KIF24: variants seen among roughly 807,000 people sequenced by gnomAD.
KIF24 encodes kinesin family member 24, also known as kinesin-like protein KIF24.
Under a neutral mutation model 118.9 loss-of-function variants are expected in KIF24, and 81 were observed. The ratio of observed to expected loss-of-function variants is 0.68; its 90% confidence interval spans 0.57 to 0.82. The LOEUF (loss-of-function observed/expected upper bound fraction) is 0.82. KIF24 is among the 40% of genes least tolerant of loss of function. The pLI is 0.00. For synonymous variants in KIF24, 599 were observed against 610.0 expected (o/e 0.98, Z 0.27); for missense variants, 1,560 against 1,661.6 (o/e 0.94, Z 1.06).
chr9:34,318,355 A>T lies in KIF24; in HGVS notation c.-25-6984T>A. On this transcript the variant is annotated intron_variant, in intron 1 of 12. Transcript: ENST00000402558. The surrounding 1 kb of genome is among the most constrained non-coding windows in gnomAD (Gnocchi z 4.9). The stretch of plus-strand genomic sequence containing the variant: ...GCCCAACCCAGCCCAACCCAGCTTG[A>T]CCTAGCCCTGACAGGTCCATCGTGG... 1.1e-4 allele frequency: 51 copies of T among 452,834 alleles called. No homozygotes were observed. Among genetic ancestry groups the T allele is most frequent in the East Asian group, 1.8e-4 (3 of 16,804 alleles). The allele number at this position is 452,834 out of a possible 1,614,324, so 28.1% of individuals were successfully genotyped here.
chr9:34,272,490 G>C (rs898035747), intron 6 of KIF24, among the ~76,000 whole-genome samples: 17 of 152,280 alleles, frequency 1.1e-4, no homozygotes, highest in Admixed American at 5.2e-4. Context: ...GAGTCCTTCC[G>C]GCCATCATGG....
chr9:34,273,687 A>G (rs2094999), intron 6 of KIF24, among the ~76,000 whole-genome samples: 72 of 114 alleles, frequency 0.63, 28 homozygotes, highest in East Asian at 1. Flanking sequence ...ACACACCAGC[A>G]TTCCCCAACA....
Position 34,255,817 on chromosome 9 carries a change from C to G in KIF24, c.3790G>C (p.Ala1264Pro). The change falls in exon 11 of 13, where the codon GCA becomes CCA. Residue 1264 changes from alanine to proline, a missense_variant. By Grantham distance (27) the Ala-to-Pro change is conservative. Around this residue, in one of 3 missense-constraint regions of KIF24, gnomAD observed 591 missense variants for 655.6 expected, o/e 0.90. Coordinates refer to ENST00000402558, the MANE Select transcript of KIF24 (RefSeq NM_194313.4). ...LKPRPISRCLARPSSPLVPSC... is the reference protein window; with the variant it reads ...LKPRPISRCLPRPSSPLVPSC... ...GGAACCAAGGGAGAACTTGGCCTTG[C>G]TAAGCACCTTGAGATCGGCCTGGGT... 3 of 1,613,952 alleles carry G rather than the reference C, an allele frequency of 1.9e-6. No individual in the cohort carries two copies. Among genetic ancestry groups the G allele is most frequent in the Non-Finnish European group, 2.5e-6 (3 of 1,179,866 alleles).
Position 34,257,653 on chromosome 9 carries a change from C to T in KIF24, c.1954G>A (p.Val652Met), listed in dbSNP as rs372370154. 1 of 1,614,044 alleles carries T rather than the reference C, an allele frequency of 6.2e-7. No homozygotes were observed. Among genetic ancestry groups the T allele is most frequent in the Non-Finnish European group, 8.5e-7 (1 of 1,179,892 alleles). The change falls in exon 11 of 13, where the codon GTG becomes ATG. Residue 652 changes from valine to methionine, a missense_variant. Val to Met is a conservative substitution (Grantham distance 21). This residue lies in a region of KIF24 where 964 missense variants were observed against 988.0 expected (regional missense o/e 0.98). Transcript: ENST00000402558. The stretch of plus-strand genomic sequence containing the variant: ...TTTTTGGCCACATGTCCAGAGCGCA[C>T]AGTTCCTTTCACAGGGCTAGCATGA... ...VIHASPVKGTVRSGHVAKKKP... is the reference protein window; with the variant it reads ...VIHASPVKGTMRSGHVAKKKP...
chr9:34,313,753 T>G lies in KIF24; in HGVS notation c.-25-2382A>C, dbSNP rs1254779052. 4.3e-5 allele frequency among the ~76,000 whole-genome samples: 6 copies of G among 139,982 alleles called. No homozygotes were observed. The East Asian group carries it at 8.2e-4, about 19-fold the overall frequency. 91.8% of individuals were successfully genotyped at this position (139,982 alleles called of 152,430 possible). On this transcript the variant is annotated intron_variant, in intron 1 of 12. Transcript: ENST00000402558. ...CCCGTTATCTGTTTTTTTTTTTTTG[T>G]TTTTTTTTTTTTGAGGGATGGTCTT... is the stretch of plus-strand genomic sequence containing the variant.
chr9:34,270,801 C>G (rs980865592), intron 7 of KIF24, among the ~76,000 whole-genome samples: 62 of 150,332 alleles, frequency 4.1e-4, no homozygotes, highest in African/African-American at 1.5e-3. Flanking sequence ...CGGAGTCTCG[C>G]TCTGTTGCCA....
intron 1 of KIF24, chr9:34,319,641 C>T (rs1587974998): frequency 1.2e-6 from 1 of 864,262 alleles, no homozygotes; most frequent in East Asian, 2.5e-5. Flanking sequence ...TGACAAGATG[C>T]AAGACGAGTT....
intron 4 of KIF24, among the ~76,000 whole-genome samples, chr9:34,291,081 T>C (rs751143296): frequency 8.9e-4 from 136 of 152,160 alleles, no homozygotes; most frequent in Middle Eastern, 3.4e-3. Flanking sequence ...TTAAATTTAG[T>C]GAAAGAATAG....
rs781105331 is a variant in KIF24, at chr9:34,290,418, T to G, written c.912-29A>C. 2.2e-6 allele frequency: 3 copies of G among 1,393,078 alleles called. No individual in the cohort carries two copies. In the South Asian group the frequency reaches 3.5e-5, roughly 16 times the overall value. 86.3% of individuals were successfully genotyped at this position (1,393,078 alleles called of 1,614,324 possible). ...GGGAAAGGATAATTTGCATTACTTA[T>G]GCATATTAAGAGAAGTATTAGTTTA... On this transcript the variant is annotated intron_variant, in intron 4 of 12. Transcript: ENST00000402558.
intron 3 of KIF24, among the ~76,000 whole-genome samples, chr9:34,303,578 G>A (rs1165063170): frequency 6.6e-6 from 1 of 152,150 alleles, no homozygotes; most frequent in Non-Finnish European, 1.5e-5. Context: ...GGCCAGGCGT[G>A]GTGGCTCATG....
At chr9:34,285,835 C>T in intron 6 of KIF24, among the ~76,000 whole-genome samples, 1 of 148,212 alleles carries the variant, frequency 6.7e-6, no homozygotes, top group Admixed American at 6.8e-5. Context: ...TGCCTGCAGT[C>T]CCCAGCTACT....
intron 2 of KIF24, among the ~76,000 whole-genome samples, chr9:34,309,737 T>C (rs936733434): frequency 2.0e-5 from 3 of 152,094 alleles, no homozygotes; most frequent in Non-Finnish European, 2.9e-5. Flanking sequence ...AATTCACTTA[T>C]GTATTTCAAA....
In KIF24 at chr9:34,252,537, T is replaced by TAAC. The variant is rs1834630658; in HGVS notation, c.*1840_*1842dup. The TAAC allele has an allele frequency of 6.5e-6, 1 of 152,688 alleles. No individual in the cohort carries two copies. The highest frequency in any genetic ancestry group is 2.4e-5 in the African/African-American group (1 of 41,470). 9.5% of individuals were successfully genotyped at this position (152,688 alleles called of 1,614,324 possible). On this transcript the variant is annotated 3_prime_UTR_variant, in exon 13 of 13. Coordinates refer to ENST00000402558, the MANE Select transcript of KIF24 (RefSeq NM_194313.4). ...ATCTAAAAGGTATGTCTTGGTGTGA[T>TAAC]AACTTCTTTATTACCAAGGCTGTTT...
At chr9:34,269,180 C>A in intron 8 of KIF24, 77 bp downstream of exon 8, 1 of 782,366 alleles carries the variant, frequency 1.3e-6, no homozygotes, top group Admixed American at 2.2e-5. Flanking sequence ...TTCCATCCCA[C>A]ATTCATCCAC....
At chr9:34,295,161 T>C (rs1175291282) in intron 4 of KIF24, among the ~76,000 whole-genome samples, 1 of 150,872 alleles carries the variant, frequency 6.6e-6, no homozygotes, top group Non-Finnish European at 1.5e-5. Context: ...GATAGGTAGG[T>C]AGATAGCTAG....
intron 4 of KIF24, among the ~76,000 whole-genome samples, chr9:34,291,721 T>A (rs1160128435): frequency 1.3e-5 from 2 of 151,936 alleles, no homozygotes; most frequent in Admixed American, 6.6e-5. Context: ...AGAATGAACA[T>A]AATCTTAGAG....
chr9:34,305,370 A>G (rs1469568636), intron 3 of KIF24, among the ~76,000 whole-genome samples: 1 of 152,178 alleles, frequency 6.6e-6, no homozygotes, highest in Non-Finnish European at 1.5e-5. Flanking sequence ...ATTTTCGCCA[A>G]TTAAGTATAA....
Position 34,256,101 on chromosome 9 carries a change from C to T in KIF24, c.3506G>A (p.Ser1169Asn), listed in dbSNP as rs1439522356. The change falls in exon 11 of 13, where the codon AGT becomes AAT. Residue 1169 changes from serine (S) to asparagine (N), a missense_variant. By Grantham distance (46) the Ser-to-Asn change is conservative. Around this residue, in one of 3 missense-constraint regions of KIF24, gnomAD observed 591 missense variants for 655.6 expected, o/e 0.90. Coordinates refer to ENST00000402558, the MANE Select transcript of KIF24 (RefSeq NM_194313.4). ...CTCTGCATCAGCATCATACTGCTCA[C>T]TACCCATGTGTTCGTGGGAGAAAAG... ...TVLFSHEHMG[S>N]EQYDADAEET... The T allele has an allele frequency of 6.2e-7, 1 of 1,612,772 alleles. No homozygotes were observed. The highest frequency in any genetic ancestry group is 1.1e-5 in the South Asian group (1 of 91,066).
Position 34,306,240 on chromosome 9 carries a change from A to G in KIF24, c.813+12T>C. 1 of 1,550,504 alleles carries G rather than the reference A, an allele frequency of 6.4e-7. No individual in the cohort carries two copies. The highest frequency in any genetic ancestry group is 8.7e-7 in the Non-Finnish European group (1 of 1,145,510). Reference sequence around the variant, plus strand: ...TAATATTAGTTCCAAACATAAAACGAAAACATCATACCTGCAGAATATATT... The same window carrying G: ...TAATATTAGTTCCAAACATAAAACGGAAACATCATACCTGCAGAATATATT... On this transcript the variant is annotated intron_variant, in intron 3 of 12. Transcript: ENST00000402558.
Sources: gnomAD v4.1 joint callset for allele counts (sites outside exome capture counted in the v4.1 genomes callset) on GRCh38, gnomAD v4.1.1 for gene constraint, gnomAD v4.1.1 regional missense constraint, Gnocchi (gnomAD v3.1) non-coding constraint, MANE v1.5 for transcripts, NCBI Gene and HGNC (gene_info 2026-07-23, HGNC 2026-07-21) for gene names.